Variants in NEK11 observed in about 807,000 individuals in gnomAD.
The protein encoded by NEK11 is NIMA related kinase 11.
In NEK11, 72 loss-of-function variants were observed where a neutral mutation model predicts 80.7. That is an observed-to-expected ratio of 0.89 (90% CI 0.74 to 1.08). The LOEUF is 1.08. Ranked by LOEUF, NEK11 falls within the 50% of genes least tolerant of loss-of-function variation. The pLI is 0.00. For synonymous variants in NEK11, 251 were observed against 260.7 expected, an observed-to-expected ratio of 0.96 and a Z score of 0.36; for missense variants, 764 against 763.6, an observed-to-expected ratio of 1.00 and a Z score of -0.01.
intron 16 of NEK11, among the ~76,000 whole-genome samples, chr3:131,272,927 C>T (rs959459695): frequency 1.3e-5 from 2 of 152,316 alleles, no homozygotes; most frequent in South Asian, 4.1e-4. Context: ...ACTTTCATTA[C>T]CAACTCTTAC....
At chr3:131,321,012 A>G (rs1025013111) in intron 17 of NEK11, among the ~76,000 whole-genome samples, 2 of 152,188 alleles carry the variant, frequency 1.3e-5, no homozygotes, top group Non-Finnish European at 2.9e-5. Flanking sequence ...TATAAAATTC[A>G]CATTGAACTA....
intron 7 of NEK11, among the ~76,000 whole-genome samples, chr3:131,141,727 T>C (rs2086943947): frequency 6.6e-6 from 1 of 152,110 alleles, no homozygotes; most frequent in African/African-American, 2.4e-5. Context: ...CTCTGAGAAA[T>C]GGTATGAAAG....
At chr3:131,181,562 C>T (rs1433914886) in intron 14 of NEK11, among the ~76,000 whole-genome samples, 4 of 151,840 alleles carry the variant, frequency 2.6e-5, no homozygotes, top group Non-Finnish European at 4.4e-5. Flanking sequence ...CTGGCTAACA[C>T]GATGAAACCC....
chr3:131,076,948 G>C (rs1299252611), intron 3 of NEK11, among the ~76,000 whole-genome samples: 2 of 152,200 alleles, frequency 1.3e-5, no homozygotes, highest in Non-Finnish European at 2.9e-5. Context: ...AATGTGAAAA[G>C]ATATGTGAAA....
At chr3:131,199,828 T>G (rs1471042748) in intron 14 of NEK11, among the ~76,000 whole-genome samples, 1 of 151,930 alleles carries the variant, frequency 6.6e-6, no homozygotes, top group Non-Finnish European at 1.5e-5. Flanking sequence ...GAAAGAAAGG[T>G]GAGAATACAT....
At chr3:131,115,437 A>G (rs1560471184) in intron 5 of NEK11, among the ~76,000 whole-genome samples, 1 of 152,222 alleles carries the variant, frequency 6.6e-6, no homozygotes, top group Non-Finnish European at 1.5e-5. Context: ...GGAGATAAAG[A>G]AGACCCTGGA....
At chr3:131,052,761 C>G (rs188188108) in intron 3 of NEK11, among the ~76,000 whole-genome samples, 2 of 152,208 alleles carry the variant, frequency 1.3e-5, no homozygotes, top group East Asian at 3.9e-4. Flanking sequence ...GGAATAGGCC[C>G]AGTACCCTCT....
At chr3:131,258,934 A>G (rs1227038277) in intron 16 of NEK11, among the ~76,000 whole-genome samples, 1 of 152,172 alleles carries the variant, frequency 6.6e-6, no homozygotes, top group African/African-American at 2.4e-5. Context: ...TGTGGTGGAC[A>G]TCATGGGGAG....
At chr3:131,174,663 T>A in intron 14 of NEK11, 1 of 1,185,756 alleles carries the variant, frequency 8.4e-7, no homozygotes, top group Non-Finnish European at 1.2e-6. Flanking sequence ...AAAGAAATTA[T>A]CCCCATTTAA....
intron 17 of NEK11, among the ~76,000 whole-genome samples, chr3:131,309,305 T>C (rs148455805): frequency 6.6e-6 from 1 of 152,344 alleles, no homozygotes; most frequent in African/African-American, 2.4e-5. Flanking sequence ...TACTCTTTCC[T>C]AATTGAATCT....
At chr3:131,062,851 G>A (rs2071152527) in intron 3 of NEK11, among the ~76,000 whole-genome samples, 1 of 152,058 alleles carries the variant, frequency 6.6e-6, no homozygotes, top group Non-Finnish European at 1.5e-5. Flanking sequence ...GGCTCCAACC[G>A]ATCCCCACTA....
Position 131,170,841 on chromosome 3 carries a change from A to G in NEK11, c.1353A>G (p.Glu451=), listed in dbSNP as rs762798658. The change falls in exon 14 of 18, where the codon GAA becomes GAG. Residue 451 remains glutamate, a synonymous_variant. Transcript: ENST00000383366. ...CTATTCCTTCCATGGACCTCCACGA[A>G]CTTGAATCAATTGTAGAGGATGCCA... ...SQPIPSMDLH[E]LESIVEDATS... The G allele has an allele frequency of 6.2e-7, 1 of 1,614,112 alleles. No homozygotes were observed. Among genetic ancestry groups the G allele is most frequent in the South Asian group, 1.1e-5 (1 of 91,082 alleles).
chr3:131,047,116 G>A (rs148991439), intron 3 of NEK11, among the ~76,000 whole-genome samples: 74 of 152,210 alleles, frequency 4.9e-4, no homozygotes, highest in African/African-American at 1.7e-3. Context: ...TTCTCTAAGT[G>A]TGTCCATTTC....
At chr3:131,126,205 AGT>A (rs1309217649) in intron 5 of NEK11, among the ~76,000 whole-genome samples, 1 of 152,186 alleles carries the variant, frequency 6.6e-6, no homozygotes, top group Non-Finnish European at 1.5e-5. Flanking sequence ...ATTATTAATT[AGT>A]GCTACCATTA....
intron 3 of NEK11, among the ~76,000 whole-genome samples, chr3:131,077,667 C>T (rs2074585508): frequency 6.6e-6 from 1 of 152,174 alleles, no homozygotes; most frequent in East Asian, 1.9e-4. Context: ...CATGCTTAAC[C>T]ACTGTGACTT....
intron 14 of NEK11, among the ~76,000 whole-genome samples, chr3:131,200,885 C>T (rs1030913600): frequency 6.6e-6 from 1 of 152,136 alleles, no homozygotes; most frequent in African/African-American, 2.4e-5. Flanking sequence ...AGGACCTAGA[C>T]CGAACCCCTG....
At chr3:131,237,639 GA>G (rs954924961) in intron 15 of NEK11, among the ~76,000 whole-genome samples, 1 of 152,106 alleles carries the variant, frequency 6.6e-6, no homozygotes, top group Non-Finnish European at 1.5e-5. Context: ...ATGTACGAAA[GA>G]ACTCTAGACT....
At chr3:131,263,922 G>A (rs1165712067) in intron 16 of NEK11, among the ~76,000 whole-genome samples, 1 of 152,124 alleles carries the variant, frequency 6.6e-6, no homozygotes, top group Non-Finnish European at 1.5e-5. Flanking sequence ...CTGTGAGATG[G>A]TATCTCATTG....
At chr3:131,333,028 G>C (rs1050393047) in intron 17 of NEK11, among the ~76,000 whole-genome samples, 14 of 152,002 alleles carry the variant, frequency 9.2e-5, no homozygotes, top group Middle Eastern at 6.3e-3. Context: ...ATGGAACCAA[G>C]TTGGAAAACA....
Sources: gnomAD v4.1 joint callset for allele counts (sites outside exome capture counted in the v4.1 genomes callset) on GRCh38, gnomAD v4.1.1 for gene constraint, MANE v1.5 for transcripts, NCBI Gene and HGNC (gene_info 2026-07-23, HGNC 2026-07-21) for gene names.